The following CERS4 variants were observed in gnomAD, a reference collection of about 807,000 sequenced individuals.
The protein encoded by CERS4 is LAG1 homolog, ceramide synthase 4.
In CERS4, 65 loss-of-function variants were observed where a neutral mutation model predicts 51.8. That is an observed-to-expected ratio of 1.26 (90% CI 1.03 to 1.54). The LOEUF is 1.54. Ranked by LOEUF, CERS4 falls within the 40% of genes most tolerant of loss-of-function variation. The probability of loss-of-function intolerance (pLI) is 0.00; values close to 1 mark genes in which losing one functional copy is unlikely to be tolerated. For synonymous variants in CERS4, 228 were observed against 208.4 expected (o/e 1.09, Z -0.81); for missense variants, 563 against 500.4 (o/e 1.13, Z -1.19).
intron 2 of CERS4, among the ~76,000 whole-genome samples, chr19:8,245,125 A>AACAAAAAAAAACAAAAAAAAACAAC (rs1555777253): frequency 3.5e-4 from 53 of 150,930 alleles, no homozygotes; most frequent in East Asian, 5.8e-4. Flanking sequence ...AAAAAAAAAA[A>AACAAAAAAAAACAAAAAAAAACAAC]AAAAAAAAAA....
At chr19:8,220,473 T>C (rs1056813843) in intron 2 of CERS4, among the ~76,000 whole-genome samples, 42 of 152,050 alleles carry the variant, frequency 2.8e-4, no homozygotes, top group Non-Finnish European at 3.7e-4. Flanking sequence ...CCCAGGTAAT[T>C]TTTATATTTT....
chr19:8,258,819 G>A (rs1481706470), intron 10 of CERS4, among the ~76,000 whole-genome samples: 2 of 151,880 alleles, frequency 1.3e-5, no homozygotes, highest in Admixed American at 6.6e-5. Context: ...TCCAGCCTGG[G>A]TGACAGAGGG....
chr19:8,227,060 T>G, intron 2 of CERS4, among the ~76,000 whole-genome samples: 1 of 151,952 alleles, frequency 6.6e-6, no homozygotes, highest in African/African-American at 2.4e-5. Flanking sequence ...CCTGGGAGGT[T>G]GATGTTGCCG....
At chr19:8,230,576 T>A (rs1967968913) in intron 2 of CERS4, among the ~76,000 whole-genome samples, 1 of 152,178 alleles carries the variant, frequency 6.6e-6, no homozygotes, top group Admixed American at 6.6e-5. Context: ...AATATAAAAT[T>A]AACCATTTTA....
chr19:8,226,102 C>T (rs543612346), intron 2 of CERS4, among the ~76,000 whole-genome samples: 32 of 152,002 alleles, frequency 2.1e-4, no homozygotes, highest in African/African-American at 6.0e-4. Flanking sequence ...GAGGCTGAGA[C>T]GGGAGAATCG....
rs752451942 is a variant in CERS4, at chr19:8,255,751, G to T, written c.410+26G>T. The T allele has an allele frequency of 2.1e-5, 33 of 1,604,426 alleles. No homozygotes were observed. In the African/African-American group the frequency reaches 3.4e-4, roughly 16 times the overall value. On this transcript the variant is annotated intron_variant, in intron 5 of 11. Coordinates refer to ENST00000251363, the MANE Select transcript of CERS4 (RefSeq NM_024552.3). ...GTAAGCCCAGGATGGGGCTTCTGGG[G>T]TGCAGGGAAGCGGGCCGGGGTGGGG...
At chr19:8,252,940 G>A (rs1969162798) in intron 3 of CERS4, among the ~76,000 whole-genome samples, 1 of 152,146 alleles carries the variant, frequency 6.6e-6, no homozygotes, top group Non-Finnish European at 1.5e-5. Context: ...ATGTCTCTGA[G>A]CCTCAGTTTA....
intron 2 of CERS4, among the ~76,000 whole-genome samples, chr19:8,217,491 C>T (rs1388188867): frequency 1.3e-5 from 2 of 151,762 alleles, no homozygotes; most frequent in Non-Finnish European, 2.9e-5. Context: ...GCATCAGCTT[C>T]CTGAGTAGCT....
At position 8,215,489 on chromosome 19, in the gene CERS4, A is replaced by C. The variant is rs573932227; in HGVS notation, c.-2+4627A>C. On this transcript the variant is annotated intron_variant, in intron 2 of 11. Coordinates refer to ENST00000251363, the MANE Select transcript of CERS4 (RefSeq NM_024552.3). ...GCAAGACTCTGTCTCAAAAAAAAAA[A>C]AACAAAAAACAAGCAGCGGGTGTGT... 8.0e-5 allele frequency among the ~76,000 whole-genome samples: 12 copies of C among 149,196 alleles called. No homozygotes were observed. The East Asian group carries it at 1.6e-3, about 19-fold the overall frequency.
At chr19:8,254,639 G>A (rs776555912) in intron 4 of CERS4, 23 bp downstream of exon 4, 38 of 1,577,046 alleles carry the variant, frequency 2.4e-5, no homozygotes, top group Middle Eastern at 2.0e-4. Context: ...CATGCCCTCC[G>A]ACCCGCACTA....
At chr19:8,245,127 A>ACAAAAAAACAAAC (rs1198999411) in intron 2 of CERS4, among the ~76,000 whole-genome samples, 1 of 142,188 alleles carries the variant, frequency 7.0e-6, no homozygotes, top group African/African-American at 2.9e-5. Context: ...AAAAAAAAAA[A>ACAAAAAAACAAAC]AAAAAAAACA....
At chr19:8,231,475 T>C (rs77810297) in intron 2 of CERS4, among the ~76,000 whole-genome samples, 120 of 152,306 alleles carry the variant, frequency 7.9e-4, no homozygotes, top group African/African-American at 2.8e-3. Context: ...TCAATATCCA[T>C]GGGCTAAGAG....
Position 8,257,884 on chromosome 19 carries a change from T to C in CERS4, c.747T>C (p.Cys249=), listed in dbSNP as rs140452791. ...CTCCCTGCTGCCCTTTCCAGGCCTG[T>C]AAGATGGTCAACTACATGCAGTATC... The part of the protein sequence containing the change: ...HDSSDYLLEA[C]KMVNYMQYQQ... Residue 249 remains cysteine (C), a synonymous_variant, in exon 10 of 12, where the codon TGT becomes TGC. Transcript: ENST00000251363. The C allele has an allele frequency of 2.7e-5, 43 of 1,613,478 alleles. No individual in the cohort carries two copies. In the African/African-American group the frequency reaches 5.5e-4, roughly 21 times the overall value.
At chr19:8,220,332 C>T (rs1219156282) in intron 2 of CERS4, among the ~76,000 whole-genome samples, 1 of 152,016 alleles carries the variant, frequency 6.6e-6, no homozygotes, top group Non-Finnish European at 1.5e-5. Flanking sequence ...GGAGACAGCA[C>T]CATGCTCTGT....
At chr19:8,256,179 C>T (rs947519938) in intron 6 of CERS4, 57 bp from the exon 7 acceptor site, 1 of 1,553,852 alleles carries the variant, frequency 6.4e-7, no homozygotes, top group Non-Finnish European at 8.8e-7. Flanking sequence ...GACCGCAGAC[C>T]CAGGGTGGGA....
chr19:8,213,203 A>G lies in CERS4; in HGVS notation c.-2+2341A>G, dbSNP rs1161606953. 4.0e-5 allele frequency among the ~76,000 whole-genome samples: 6 copies of G among 151,106 alleles called. No homozygotes were observed. In the East Asian group the frequency reaches 1.2e-3, roughly 30 times the overall value. On this transcript the variant is annotated intron_variant, in intron 2 of 11. Coordinates refer to ENST00000251363, the MANE Select transcript of CERS4 (RefSeq NM_024552.3). ...CTGGCTAATTTTTGCATTTTTTTGT[A>G]GTGATTTTGTAGAGTTTTGCCAGTT...
intron 2 of CERS4, among the ~76,000 whole-genome samples, chr19:8,221,872 GT>G (rs71165297): frequency 5.6e-3 from 222 of 39,440 alleles, no homozygotes; most frequent in Middle Eastern, 0.018. Context: ...ATTTTTTTAT[GT>G]TTTTTTTTTT....
intron 10 of CERS4, among the ~76,000 whole-genome samples, chr19:8,258,441 G>T (rs1196138343): frequency 6.6e-6 from 1 of 152,204 alleles, no homozygotes; most frequent in Non-Finnish European, 1.5e-5. Flanking sequence ...GGGCGTGGTA[G>T]CTCATGCCTG....
chr19:8,259,194 G>A (rs1323077018), intron 10 of CERS4, among the ~76,000 whole-genome samples: 1 of 152,190 alleles, frequency 6.6e-6, no homozygotes, highest in Non-Finnish European at 1.5e-5. Flanking sequence ...GTTGGAATTA[G>A]AATGGCAGGT....
Sources: gnomAD v4.1 joint callset for allele counts (sites outside exome capture counted in the v4.1 genomes callset) on GRCh38, gnomAD v4.1.1 for gene constraint, MANE v1.5 for transcripts, NCBI Gene and HGNC (gene_info 2026-07-23, HGNC 2026-07-21) for gene names.